The following MND1 variants were observed in gnomAD, a reference collection of about 807,000 sequenced individuals.
MND1 encodes the protein meiotic nuclear divisions 1.
A neutral mutation model predicts 35.1 loss-of-function variants in MND1; 28 were observed. The ratio of observed to expected loss-of-function variants is 0.80; its 90% CI spans 0.59 to 1.09. The LOEUF is 1.09. Ranked by LOEUF, MND1 falls within the 50% of genes least tolerant of loss-of-function variation. The pLI, the probability that MND1 is intolerant of heterozygous loss-of-function variation, is 0.00. For synonymous variants in MND1, 69 were observed against 70.5 expected (o/e 0.98, Z 0.11); for missense variants, 213 against 239.6 (o/e 0.89, Z 0.73).
chr4:153,399,705 G>A (rs1483662351), intron 6 of MND1, among the ~76,000 whole-genome samples: 1 of 151,952 alleles, frequency 6.6e-6, no homozygotes, highest in African/African-American at 2.4e-5. Context: ...TTGAGGAGGC[G>A]GCAACTGAAA....
At chr4:153,390,915 G>GTGTA (rs1470729047) in intron 4 of MND1, among the ~76,000 whole-genome samples, 4 of 127,880 alleles carry the variant, frequency 3.1e-5, no homozygotes, top group African/African-American at 6.9e-5. Context: ...GTGTGTGTGT[G>GTGTA]TATATGTGTG....
intron 4 of MND1, among the ~76,000 whole-genome samples, chr4:153,369,383 G>A (rs1371622574): frequency 6.6e-6 from 1 of 152,126 alleles, no homozygotes; most frequent in African/African-American, 2.4e-5. Context: ...GATTACACAT[G>A]AGCATAAATA....
chr4:153,404,341 C>T (rs1729429152), intron 6 of MND1, among the ~76,000 whole-genome samples: 1 of 138,238 alleles, frequency 7.2e-6, no homozygotes, highest in Non-Finnish European at 1.5e-5. Flanking sequence ...GCCACCACGC[C>T]CAGCTTTTTT....
At position 153,344,704 on chromosome 4, in the gene MND1, G is replaced by A. The variant is rs776847585; in HGVS notation, c.-34G>A. The stretch of plus-strand genomic sequence containing the variant: ...CTGTCCCGCCCCTCTCCCCAAGCGC[G>A]GGCCCGGCCAGCGGAAGCCCCTGCG... On this transcript the variant is annotated 5_prime_UTR_variant, in exon 1 of 8. Transcript: ENST00000240488. 52 of 1,575,902 alleles carry A rather than the reference G, an allele frequency of 3.3e-5. No individual in the cohort carries two copies. The highest frequency in any genetic ancestry group is 4.3e-5 in the Non-Finnish European group (50 of 1,163,868).
rs1327169834 is a variant in MND1, at chr4:153,379,311, G to GAAT, written c.277-14949_277-14948insTAA. 5.9e-5 allele frequency among the ~76,000 whole-genome samples: 8 copies of GAAT among 135,142 alleles called. No individual in the cohort carries two copies. The East Asian group carries it at 1.3e-3, about 22-fold the overall frequency. The allele number at this position is 135,142 out of a possible 152,430, so 88.7% of individuals were successfully genotyped here. On this transcript the variant is annotated intron_variant, in intron 4 of 7. Coordinates refer to ENST00000240488, the MANE Select transcript of MND1 (RefSeq NM_032117.4). The stretch of plus-strand genomic sequence containing the variant: ...TCTCAAAAAAAAAAAAAAAGAAGAA[G>GAAT]AAGAAGAAGAAAAGAAAAAAAAAAA...
chr4:153,389,141 C>A (rs993613600), intron 4 of MND1, among the ~76,000 whole-genome samples: 1 of 152,156 alleles, frequency 6.6e-6, no homozygotes, highest in African/African-American at 2.4e-5. Context: ...AGGAAAGCCA[C>A]CAAATGGGAA....
chr4:153,386,339 A>AAAAT (rs1360350193), intron 4 of MND1, among the ~76,000 whole-genome samples: 37 of 151,984 alleles, frequency 2.4e-4, no homozygotes, highest in African/African-American at 8.9e-4. Context: ...AAAAAAAAAA[A>AAAAT]AAATTTAATT....
chr4:153,400,991 A>G (rs1278857195), intron 6 of MND1, among the ~76,000 whole-genome samples: 1 of 152,260 alleles, frequency 6.6e-6, no homozygotes, highest in Non-Finnish European at 1.5e-5. Context: ...TGACATGAAA[A>G]ATACACTATG....
intron 3 of MND1, 40 bp from the exon 4 acceptor site, chr4:153,358,434 G>T: frequency 2.0e-6 from 3 of 1,464,898 alleles, no homozygotes; most frequent in Non-Finnish European, 2.7e-6. Flanking sequence ...TTTATTTATG[G>T]TGTTTTTCTA....
At chr4:153,393,924 C>CTTTTTGTTTTTTTTTTT (rs1729122266) in intron 4 of MND1, among the ~76,000 whole-genome samples, 1 of 56,464 alleles carries the variant, frequency 1.8e-5, no homozygotes, top group Non-Finnish European at 3.1e-5. Context: ...ACTTTGTTTT[C>CTTTTTGTTTTTTTTTTT]TTTTTTTTTT....
intron 6 of MND1, among the ~76,000 whole-genome samples, chr4:153,408,058 C>A (rs1461189586): frequency 6.6e-6 from 1 of 152,136 alleles, no homozygotes; most frequent in Non-Finnish European, 1.5e-5. Flanking sequence ...GGGTGGATCA[C>A]TTGAGGCCAG....
intron 6 of MND1, among the ~76,000 whole-genome samples, chr4:153,402,062 G>A (rs968241792): frequency 1.3e-5 from 2 of 152,148 alleles, no homozygotes; most frequent in Non-Finnish European, 2.9e-5. Context: ...CGCTGAGGCA[G>A]GAGAATCGCT....
chr4:153,414,062 T>G (rs1235802721), intron 7 of MND1, among the ~76,000 whole-genome samples: 1 of 152,066 alleles, frequency 6.6e-6, no homozygotes, highest in Admixed American at 6.6e-5. Context: ...TTACTGTCTG[T>G]AGGACAGGAA....
At chr4:153,348,991 A>C (rs1773142187) in intron 1 of MND1, among the ~76,000 whole-genome samples, 1 of 151,922 alleles carries the variant, frequency 6.6e-6, no homozygotes, top group African/African-American at 2.4e-5. Context: ...AACAATTTAT[A>C]TTCCTTTATA....
At chr4:153,377,191 A>G (rs1453538889) in intron 4 of MND1, among the ~76,000 whole-genome samples, 10 of 152,184 alleles carry the variant, frequency 6.6e-5, no homozygotes, top group African/African-American at 2.4e-4. Context: ...GCTTATGATA[A>G]GGATTACATT....
intron 6 of MND1, among the ~76,000 whole-genome samples, chr4:153,399,876 G>GT (rs949060947): frequency 2.1e-4 from 28 of 131,680 alleles, no homozygotes; most frequent in African/African-American, 7.4e-4. Context: ...GAAATTTTCT[G>GT]TTTTTTCAGT....
upstream of MND1, chr4:153,344,687 C>G: frequency 6.5e-7 from 1 of 1,541,396 alleles, no homozygotes; most frequent in South Asian, 1.2e-5. Context: ...GCCTGTCCCG[C>G]CCCTCTCCCC....
chr4:153,408,972 C>CCA lies in MND1; in HGVS notation c.469_470dup (p.Gln157HisfsTer6). On this transcript the variant is annotated frameshift_variant and splice_region_variant, in exon 7 of 8. Transcript: ENST00000240488. LOFTEE classifies it high-confidence loss of function. ...TTTATATATATAATTTTTTTTCAGGCCAAGCAAATAAAGTAGCCAAAGAAG... is the reference window on the plus strand; with the variant it reads ...TTTATATATATAATTTTTTTTCAGGCCACAAGCAAATAAAGTAGCCAAAGAAG... 1 of 1,205,444 alleles carries CCA rather than the reference C, an allele frequency of 8.3e-7. No individual in the cohort carries two copies. 74.7% of individuals were successfully genotyped at this position (1,205,444 alleles called of 1,614,324 possible). A position where few individuals can be genotyped will look rare whatever the true frequency, so the allele number is the denominator to read the frequency against.
chr4:153,392,572 G>T (rs1229316249), intron 4 of MND1, among the ~76,000 whole-genome samples: 1 of 152,166 alleles, frequency 6.6e-6, no homozygotes, highest in East Asian at 1.9e-4. Context: ...TATAGCAAAA[G>T]ATGTGGAGAA....
Sources: allele counts gnomAD v4.1 joint callset (sites outside exome capture counted in the v4.1 genomes callset), GRCh38; gene constraint gnomAD v4.1.1; transcripts MANE v1.5; gene names NCBI Gene and HGNC (gene_info 2026-07-23, HGNC 2026-07-21).